KCNIP4: variants seen among roughly 807,000 people sequenced by gnomAD.
KCNIP4 encodes the protein Kv channel-interacting protein 4.
Under a neutral mutation model 34.0 loss-of-function variants are expected in KCNIP4, and 12 were observed. The ratio of observed to expected loss-of-function variants is 0.35; its 90% CI spans 0.23 to 0.57. KCNIP4 has a LOEUF of 0.57. Ranked by LOEUF, KCNIP4 falls within the 20% of genes least tolerant of loss-of-function variation. KCNIP4 has a pLI of 0.83. For synonymous variants in KCNIP4, 124 were observed against 102.2 expected (o/e 1.21, Z -1.29); for missense variants, 238 against 311.7 (o/e 0.76, Z 1.78).
chr4:20,963,451 C>T (rs575619883), intron 1 of KCNIP4, among the ~76,000 whole-genome samples: 240 of 150,666 alleles, frequency 1.6e-3, no homozygotes, highest in African/African-American at 5.6e-3. Context: ...TTTTTTAAAA[C>T]TCAGGGAGTC....
intron 1 of KCNIP4, among the ~76,000 whole-genome samples, chr4:21,591,996 T>C (rs1015564354): frequency 6.6e-6 from 1 of 152,136 alleles, no homozygotes; most frequent in Admixed American, 6.6e-5. Flanking sequence ...TTGGAAGTTG[T>C]CTGTAAGTGA....
intron 1 of KCNIP4, among the ~76,000 whole-genome samples, chr4:21,290,780 T>C (rs138847960): frequency 6.6e-5 from 10 of 152,170 alleles, no homozygotes; most frequent in South Asian, 2.1e-4. Context: ...GGAAACCACA[T>C]TGGTTATGAC....
chr4:21,757,429 G>C (rs979427830), intron 1 of KCNIP4, among the ~76,000 whole-genome samples: 2 of 152,070 alleles, frequency 1.3e-5, no homozygotes, highest in Non-Finnish European at 2.9e-5. Context: ...AAGTATCTAT[G>C]TTCAGATATT....
intron 1 of KCNIP4, among the ~76,000 whole-genome samples, chr4:21,341,583 T>G (rs1031912013): frequency 2.0e-5 from 3 of 151,876 alleles, no homozygotes; most frequent in African/African-American, 7.2e-5. Flanking sequence ...CCTTCCTAAA[T>G]TGCAAATTAT....
intron 1 of KCNIP4, among the ~76,000 whole-genome samples, chr4:21,412,667 G>T (rs1396851390): frequency 1.3e-5 from 2 of 152,160 alleles, no homozygotes; most frequent in Non-Finnish European, 2.9e-5. Context: ...TCTATGATAT[G>T]TAGATGCCTT....
rs140441714 is a variant in KCNIP4, at chr4:21,732,033, T to C, written c.61+216538A>G. ...TAAATTACATATATATAAAAATATA[T>C]ATATATTTAATTGAATAAACTTGAT... On this transcript the variant is annotated intron_variant, in intron 1 of 8. Coordinates refer to ENST00000382152, the MANE Select transcript of KCNIP4 (RefSeq NM_025221.6). Among the ~76,000 whole-genome samples, 419 of 150,798 alleles carry C rather than the reference T, an allele frequency of 2.8e-3. 2 individuals are homozygous for C. The highest frequency in any genetic ancestry group is 9.3e-3 in the African/African-American group (385 of 41,286).
chr4:21,553,724 A>AG (rs5856643), intron 1 of KCNIP4, among the ~76,000 whole-genome samples: 71,160 of 151,258 alleles, frequency 0.47, 16,816 homozygotes, highest in East Asian at 0.66. Context: ...ATAAAATGAA[A>AG]CAAAGTTCTT....
chr4:21,862,059 T>C (rs1319724414), intron 1 of KCNIP4, among the ~76,000 whole-genome samples: 1 of 152,186 alleles, frequency 6.6e-6, no homozygotes, highest in African/African-American at 2.4e-5. Flanking sequence ...CCCTTTGCTC[T>C]GAAGTCTCCT....
chr4:21,316,545 G>A (rs187759585), intron 1 of KCNIP4: 1 of 152,274 alleles, frequency 6.6e-6, no homozygotes, highest in East Asian at 1.9e-4. Flanking sequence ...TTAACACCAT[G>A]ATATAACAGA....
rs530669079 is a variant in KCNIP4, at chr4:21,579,810, T to C, written c.61+368761A>G. Among the ~76,000 whole-genome samples the C allele has an allele frequency of 2.0e-5, 3 of 152,334 alleles. No homozygotes were observed. In the South Asian group the frequency reaches 6.2e-4, roughly 32 times the overall value. ...GATAAAAACTTTATTTAACTAAATG[T>C]TTCCCTTTATCCTGACTCATGTAGC... On this transcript the variant is annotated intron_variant, in intron 1 of 8. Coordinates refer to ENST00000382152, the MANE Select transcript of KCNIP4 (RefSeq NM_025221.6).
chr4:21,111,290 C>T (rs377673434), intron 1 of KCNIP4, among the ~76,000 whole-genome samples: 34 of 136,224 alleles, frequency 2.5e-4, no homozygotes, highest in African/African-American at 7.6e-4. Context: ...CAGGCTCTGA[C>T]GCGACAAAAG....
chr4:21,462,311 C>A lies in KCNIP4; in HGVS notation c.61+486260G>T, dbSNP rs549509221. ...TTACAGTTCCTCATTGCTGGGGAAG[C>A]CTCACAATCACTGCGGAAGGCAAGG... On this transcript the variant is annotated intron_variant, in intron 1 of 8. Transcript: ENST00000382152. Among the ~76,000 whole-genome samples, 52 of 152,230 alleles carry A rather than the reference C, an allele frequency of 3.4e-4. 2 individuals carry two copies. Among genetic ancestry groups the A allele is most frequent in the African/African-American group, 1.2e-3 (51 of 41,526 alleles).
chr4:21,869,763 T>C (rs1301358935), intron 1 of KCNIP4, among the ~76,000 whole-genome samples: 2 of 150,160 alleles, frequency 1.3e-5, no homozygotes, highest in Non-Finnish European at 3.0e-5. Flanking sequence ...GATAGATAGA[T>C]AGATAGATAG....
In KCNIP4 at chr4:21,764,126, G is replaced by T. The variant is rs138393018; in HGVS notation, c.61+184445C>A. On this transcript the variant is annotated intron_variant, in intron 1 of 8. Coordinates refer to ENST00000382152, the MANE Select transcript of KCNIP4 (RefSeq NM_025221.6). ...GAAGCTTCAGAGACCTGCAGAAAGG[G>T]AAATCATATATGCATGATAAGCAGG... Among the ~76,000 whole-genome samples the T allele has an allele frequency of 2.8e-3, 432 of 152,216 alleles. 3 individuals are homozygous for T. Among genetic ancestry groups the T allele is most frequent in the African/African-American group, 9.6e-3 (400 of 41,526 alleles).
At chr4:21,190,705 T>A (rs979228708) in intron 1 of KCNIP4, among the ~76,000 whole-genome samples, 1 of 151,912 alleles carries the variant, frequency 6.6e-6, no homozygotes, top group East Asian at 1.9e-4. Context: ...TTATTTGCCA[T>A]CTCTTAAAAA....
intron 1 of KCNIP4, among the ~76,000 whole-genome samples, chr4:21,394,054 A>G (rs1489185865): frequency 6.6e-6 from 1 of 152,202 alleles, no homozygotes; most frequent in East Asian, 1.9e-4. Context: ...CCTTAAAATC[A>G]ACATCTACTT....
At chr4:21,575,223 G>A (rs1346671077) in intron 1 of KCNIP4, among the ~76,000 whole-genome samples, 1 of 152,100 alleles carries the variant, frequency 6.6e-6, no homozygotes, top group Non-Finnish European at 1.5e-5. Flanking sequence ...AGAGTCACTT[G>A]AAATAAGTAG....
chr4:21,183,807 T>A lies in KCNIP4; in HGVS notation c.62-301098A>T, dbSNP rs139674918. Reference sequence around the variant, plus strand: ...ACTTGCTGTTCCTTCTACCTGGGAGTCTTTTCTCTGATCTTTACAATATGG... The same window carrying A: ...ACTTGCTGTTCCTTCTACCTGGGAGACTTTTCTCTGATCTTTACAATATGG... On this transcript the variant is annotated intron_variant, in intron 1 of 8. Coordinates refer to ENST00000382152, the MANE Select transcript of KCNIP4 (RefSeq NM_025221.6). 1.7e-3 allele frequency among the ~76,000 whole-genome samples: 260 copies of A among 152,106 alleles called. 1 individual carries two copies. The highest frequency in any genetic ancestry group is 6.8e-3 in the Middle Eastern group (2 of 294).
At chr4:21,295,115 G>A (rs901753634) in intron 1 of KCNIP4, among the ~76,000 whole-genome samples, 5 of 152,128 alleles carry the variant, frequency 3.3e-5, no homozygotes, top group African/African-American at 1.2e-4. Flanking sequence ...GCTTGTTGAA[G>A]CAACCTGGTA....
Sources: allele counts gnomAD v4.1 joint callset (sites outside exome capture counted in the v4.1 genomes callset), GRCh38; gene constraint gnomAD v4.1.1; transcripts MANE v1.5; gene names NCBI Gene and HGNC (gene_info 2026-07-23, HGNC 2026-07-21).